GABBR1: variants seen among roughly 807,000 people sequenced by gnomAD.
GABBR1 encodes GABA-B receptor, R1 subunit.
A neutral mutation model predicts 117.7 loss-of-function variants in GABBR1; 35 were observed. That is an observed-to-expected ratio of 0.30 (90% CI 0.23 to 0.39). GABBR1 has a LOEUF of 0.39. GABBR1 is among the 10% of genes least tolerant of loss of function. The pLI, the probability that GABBR1 is intolerant of heterozygous loss-of-function variation, is 1.00. For synonymous variants in GABBR1, 442 were observed against 486.6 expected, an observed-to-expected ratio of 0.91 and a Z score of 1.21; for missense variants, 709 against 1,241.8, an observed-to-expected ratio of 0.57 and a Z score of 6.45.
chr6:29,608,609 C>G lies in GABBR1; in HGVS notation c.1984G>C (p.Val662Leu). The G allele has an allele frequency of 6.2e-7, 1 of 1,612,524 alleles. No individual in the cohort carries two copies. ...YHIGRNQFPF[V>L]CQARLWLLGL... ...GCCCACCACCTCCTCACCTGGCAGA[C>G]GAAAGGAAACTGGTTCCTCCCAATG... is the stretch of plus-strand genomic sequence containing the variant. Residue 662 changes from valine (V) to leucine (L), a missense_variant, in exon 16 of 23, where the codon GTC (valine) becomes CTC (leucine). Coordinates refer to ENST00000377034, the MANE Select transcript of GABBR1 (RefSeq NM_001470.4).
At chr6:29,610,615 T>C (rs945051145) in intron 14 of GABBR1, among the ~76,000 whole-genome samples, 1 of 152,046 alleles carries the variant, frequency 6.6e-6, no homozygotes, top group African/African-American at 2.4e-5. Context: ...CACCAGGACA[T>C]CTGGGAAACC....
chr6:29,632,555 G>A lies in GABBR1; in HGVS notation c.1-170C>T. ...GGGGCGGAGCCCCGCGCGGGGTGGG[G>A]GGAGAGGAGGAGAGAAAGCCTGTCC... On this transcript the variant is annotated intron_variant, in intron 1 of 22. Coordinates refer to ENST00000377034, the MANE Select transcript of GABBR1 (RefSeq NM_001470.4). The surrounding 1 kb of genome is among the most constrained non-coding windows in gnomAD (Gnocchi z 5.8). 1 of 890,514 alleles carries A rather than the reference G, an allele frequency of 1.1e-6. No individual in the cohort carries two copies. Among genetic ancestry groups the A allele is most frequent in the Non-Finnish European group, 1.6e-6 (1 of 631,244 alleles). The allele number at this position is 890,514 out of a possible 1,614,324, so 55.2% of individuals were successfully genotyped here.
intron 11 of GABBR1, among the ~76,000 whole-genome samples, chr6:29,619,151 G>A (rs538577989): frequency 6.6e-6 from 1 of 151,724 alleles, no homozygotes; most frequent in East Asian, 2.0e-4. Flanking sequence ...TCTGACGGAT[G>A]TTAAAGTTTG....
rs755486774 is a variant in GABBR1 at position 29,604,485 on chromosome 6, C to G, written c.2712+9G>C. On this transcript the variant is annotated intron_variant, in intron 22 of 22. Coordinates refer to ENST00000377034, the MANE Select transcript of GABBR1 (RefSeq NM_001470.4). This position sits in a 1 kb window ranked among gnomAD's most constrained non-coding sequence, Gnocchi z 5.3. ...CTCCAACACCCTACCCTGACACCCA[C>G]CCCCGCACCTCAGCAATGATCTTTT... 1 of 1,613,314 alleles carries G rather than the reference C, an allele frequency of 6.2e-7. No individual in the cohort carries two copies. Among genetic ancestry groups the G allele is most frequent in the Non-Finnish European group, 8.5e-7 (1 of 1,180,022 alleles).
At chr6:29,628,019 A>T in intron 5 of GABBR1, 1 of 1,218,022 alleles carries the variant, frequency 8.2e-7, no homozygotes, top group Non-Finnish European at 1.0e-6. Flanking sequence ...TGACTGACCG[A>T]CGGAGGGGAG....
chr6:29,614,880 T>A (rs28359968), intron 11 of GABBR1, among the ~76,000 whole-genome samples: 6,515 of 151,006 alleles, frequency 0.043, 170 homozygotes, highest in Middle Eastern at 0.15. Flanking sequence ...AATGTACCAC[T>A]CTGGCGGAGG....
chr6:29,606,646 G>T lies in GABBR1; in HGVS notation c.2218-162C>A. On this transcript the variant is annotated intron_variant, in intron 18 of 22. Transcript: ENST00000377034. This position sits in a 1 kb window ranked among gnomAD's most constrained non-coding sequence, Gnocchi z 4.5. ...AATGTTTTCCTGAACCCTTGGAGGT[G>T]CTTGTTCCCCACTTTCCCTGATGCC... is the stretch of plus-strand genomic sequence containing the variant. The T allele has an allele frequency of 1.5e-6, 1 of 651,806 alleles. No individual in the cohort carries two copies. The allele number at this position is 651,806 out of a possible 1,614,324, so 40.4% of individuals were successfully genotyped here.
chr6:29,604,623 G>A lies in GABBR1; in HGVS notation c.2583C>T (p.Ile861=). The change falls in exon 22 of 23, where the codon ATC becomes ATT. Residue 861 remains isoleucine (I), a synonymous_variant. Coordinates refer to ENST00000377034, the MANE Select transcript of GABBR1 (RefSeq NM_001470.4). The surrounding 1 kb of genome is among the most constrained non-coding windows in gnomAD (Gnocchi z 5.3). Reference sequence around the variant, plus strand: ...CCTCCGACTGCCATTCCCCTCGGGTGATCAGCCTGCGCATCTGGGGGCAAA... The same window carrying A: ...CCTCCGACTGCCATTCCCCTCGGGTAATCAGCCTGCGCATCTGGGGGCAAA... ...VLFVPKMRRL[I]TRGEWQSEAQ... is the part of the protein sequence containing the mutation. The A allele has an allele frequency of 1.2e-6, 2 of 1,613,290 alleles. No homozygotes were observed. Among genetic ancestry groups the A allele is most frequent in the South Asian group, 2.2e-5 (2 of 91,088 alleles).
At position 29,621,384 on chromosome 6, in the gene GABBR1, A is replaced by G; in HGVS notation, c.1132-92T>C. 1.0e-6 allele frequency: 1 copy of G among 967,740 alleles called. No homozygotes were observed. The highest frequency in any genetic ancestry group is 2.5e-5 in the East Asian group (1 of 39,388). 59.9% of individuals were successfully genotyped at this position (967,740 alleles called of 1,614,324 possible). On this transcript the variant is annotated intron_variant, in intron 10 of 22. Transcript: ENST00000377034. This position sits in a 1 kb window ranked among gnomAD's most constrained non-coding sequence, Gnocchi z 5.0. ...GATACTATTTAGCCTCTTGGGAATCAGGGAAGAGCAGTAGAACTAAAAAGA... is the reference window on the plus strand; with the variant it reads ...GATACTATTTAGCCTCTTGGGAATCGGGGAAGAGCAGTAGAACTAAAAAGA...
intron 11 of GABBR1, among the ~76,000 whole-genome samples, chr6:29,614,897 A>G (rs1314933753): frequency 6.7e-6 from 1 of 148,660 alleles, no homozygotes; most frequent in Non-Finnish European, 1.5e-5. Context: ...GAGGATGTCG[A>G]TAATGTAGAA....
In GABBR1 at chr6:29,605,025, G is replaced by A. The variant is rs376501403; in HGVS notation, c.2440-37C>T. ...GACACATTGAGGGAGTCTCAGGTCT[G>A]CAGGCTCAGACAAGATCCAGAGTTT... On this transcript the variant is annotated intron_variant, in intron 20 of 22. Coordinates refer to ENST00000377034, the MANE Select transcript of GABBR1 (RefSeq NM_001470.4). This position sits in a 1 kb window ranked among gnomAD's most constrained non-coding sequence, Gnocchi z 4.2. 1.3e-6 allele frequency: 2 copies of A among 1,577,540 alleles called. No individual in the cohort carries two copies. Among genetic ancestry groups the A allele is most frequent in the South Asian group, 1.2e-5 (1 of 84,588 alleles).
chr6:29,628,702 T>C (rs1417968719), intron 5 of GABBR1, among the ~76,000 whole-genome samples: 1 of 151,962 alleles, frequency 6.6e-6, no homozygotes, highest in Non-Finnish European at 1.5e-5. Flanking sequence ...GGTGAAATCC[T>C]AGGAGGCAGC....
chr6:29,628,345 A>C, intron 5 of GABBR1: 1 of 164,294 alleles, frequency 6.1e-6, no homozygotes, highest in Non-Finnish European at 1.3e-5. Context: ...GCACGGAGGA[A>C]CCAGGGTAGG....
chr6:29,632,809 C>A lies in GABBR1; in HGVS notation c.-1+41G>T. The A allele has an allele frequency of 1.5e-6, 1 of 688,792 alleles. No homozygotes were observed. The highest frequency in any genetic ancestry group is 1.9e-6 in the Non-Finnish European group (1 of 513,112). 42.7% of individuals were successfully genotyped at this position (688,792 alleles called of 1,614,324 possible). ...CCCCCTCCCCCACCACGCCGCGCGC[C>A]CCCTCTCCGAGCCCTGCTAACCCGG... is the stretch of plus-strand genomic sequence containing the variant. On this transcript the variant is annotated intron_variant, in intron 1 of 22. Transcript: ENST00000377034. This position sits in a 1 kb window ranked among gnomAD's most constrained non-coding sequence, Gnocchi z 5.8.
chr6:29,632,501 G>A lies in GABBR1; in HGVS notation c.1-116C>T. Reference sequence around the variant, plus strand: ...AGGCTCCGACCGGGCTCAGCCTGGGGACCAAGAGAGCGCCCCGCGGAGGAG... The same window carrying A: ...AGGCTCCGACCGGGCTCAGCCTGGGAACCAAGAGAGCGCCCCGCGGAGGAG... On this transcript the variant is annotated intron_variant, in intron 1 of 22. Transcript: ENST00000377034. This position sits in a 1 kb window ranked among gnomAD's most constrained non-coding sequence, Gnocchi z 5.8. The A allele has an allele frequency of 9.9e-7, 1 of 1,011,956 alleles. No homozygotes were observed. The highest frequency in any genetic ancestry group is 1.3e-6 in the Non-Finnish European group (1 of 741,110). The allele number at this position is 1,011,956 out of a possible 1,614,324, so 62.7% of individuals were successfully genotyped here. A position where few individuals can be genotyped will look rare whatever the true frequency, so the allele number is the denominator to read the frequency against.
chr6:29,618,612 T>G (rs946844496), intron 11 of GABBR1, among the ~76,000 whole-genome samples: 1 of 152,118 alleles, frequency 6.6e-6, no homozygotes, highest in Non-Finnish European at 1.5e-5. Flanking sequence ...TCTGATGGGA[T>G]CTCTACCCCA....
At position 29,604,212 on chromosome 6, in the gene GABBR1, T is replaced by C. The variant is rs1761707508; in HGVS notation, c.2712+282A>G. Among the ~76,000 whole-genome samples the C allele has an allele frequency of 6.6e-6, 1 of 152,076 alleles. No individual in the cohort carries two copies. Among genetic ancestry groups the C allele is most frequent in the Non-Finnish European group, 1.5e-5 (1 of 67,996 alleles). On this transcript the variant is annotated intron_variant, in intron 22 of 22. Coordinates refer to ENST00000377034, the MANE Select transcript of GABBR1 (RefSeq NM_001470.4). This position sits in a 1 kb window ranked among gnomAD's most constrained non-coding sequence, Gnocchi z 5.3. ...AGTTGTCACCTACAGCCAACAGCCA[T>C]CCTCTTGCCTTAAGGAGGCTGAGTC...
At position 29,607,139 on chromosome 6, in the gene GABBR1, A is replaced by T. The variant is rs1762043274; in HGVS notation, c.2072T>A (p.Val691Asp). Residue 691 changes from valine (V) to aspartate (D), a missense_variant, in exon 17 of 23, where the codon GTC becomes GAC. This residue lies in a region of GABBR1 where 251 missense variants were observed against 445.3 expected (regional missense o/e 0.56). Coordinates refer to ENST00000377034, the MANE Select transcript of GABBR1 (RefSeq NM_001470.4). This position sits in a 1 kb window ranked among gnomAD's most constrained non-coding sequence, Gnocchi z 5.0. ...MFTKIWWVHT[V>D]FTKKEEKKEW... ...CTTCTTTTCTTCCTTCTTTGTGAAG[A>T]CCGTGTGGACCCACCAAATCTTGGT... 1 of 1,614,156 alleles carries T rather than the reference A, an allele frequency of 6.2e-7. No homozygotes were observed. The highest frequency in any genetic ancestry group is 8.5e-7 in the Non-Finnish European group (1 of 1,180,032).
chr6:29,610,841 C>A, intron 14 of GABBR1, 83 bp downstream of exon 14: 1 of 1,189,704 alleles, frequency 8.4e-7, no homozygotes. Context: ...CAGTCTCTAC[C>A]ATTCCATCCT....
Sources: gnomAD v4.1 joint callset for allele counts (sites outside exome capture counted in the v4.1 genomes callset) on GRCh38, gnomAD v4.1.1 for gene constraint, gnomAD v4.1.1 regional missense constraint, Gnocchi (gnomAD v3.1) non-coding constraint, MANE v1.5 for transcripts, NCBI Gene and HGNC (gene_info 2026-07-23, HGNC 2026-07-21) for gene names.